The following TMEFF1 variants were observed in gnomAD, a reference collection of about 807,000 sequenced individuals.
TMEFF1 encodes transmembrane protein with EGF like and two follistatin like domains 1, also known as tomoregulin-1.
In TMEFF1, 20 loss-of-function variants were observed where a neutral mutation model predicts 47.5. The observed-to-expected ratio is 0.42, with a 90% CI of 0.30 to 0.61. The LOEUF is 0.61. Among genes scored for constraint, TMEFF1 ranks in the 20% least tolerant of loss-of-function variants. The pLI, the probability that TMEFF1 is intolerant of heterozygous loss-of-function variation, is 0.19. For synonymous variants in TMEFF1, 162 were observed against 166.3 expected (o/e 0.97, Z 0.20); for missense variants, 411 against 471.1 (o/e 0.87, Z 1.18).
At chr9:100,481,645 C>T (rs2118243483) in intron 1 of TMEFF1, among the ~76,000 whole-genome samples, 2 of 152,208 alleles carry the variant, frequency 1.3e-5, no homozygotes, top group Middle Eastern at 6.8e-3. Flanking sequence ...AAAACAAAGT[C>T]TGAAATTGGT....
chr9:100,478,434 C>G (rs1477276427), intron 1 of TMEFF1, among the ~76,000 whole-genome samples: 1 of 152,158 alleles, frequency 6.6e-6, no homozygotes, highest in Non-Finnish European at 1.5e-5. Context: ...GATTCTCAGC[C>G]TCCTCAGTAG....
chr9:100,547,732 C>A lies in TMEFF1; in HGVS notation c.561-12C>A, dbSNP rs1479470773. Reference sequence around the variant, plus strand: ...GTTGTAAAATATAGGTAATTTTTGTCTTTTCCAACAGGTGTGTATGTAATA... The same window carrying A: ...GTTGTAAAATATAGGTAATTTTTGTATTTTCCAACAGGTGTGTATGTAATA... On this transcript the variant is annotated splice_polypyrimidine_tract_variant and intron_variant, in intron 5 of 9. Transcript: ENST00000374879. The A allele has an allele frequency of 6.7e-7, 1 of 1,485,094 alleles. No individual in the cohort carries two copies. Among genetic ancestry groups the A allele is most frequent in the African/African-American group, 1.4e-5 (1 of 69,678 alleles). The allele number at this position is 1,485,094 out of a possible 1,614,324, so 92.0% of individuals were successfully genotyped here.
intron 5 of TMEFF1, among the ~76,000 whole-genome samples, chr9:100,525,988 T>A (rs955588604): frequency 1.3e-5 from 2 of 152,230 alleles, no homozygotes; most frequent in Non-Finnish European, 1.5e-5. Context: ...TTTTATTACT[T>A]CTTTTAGCAG....
At chr9:100,502,167 T>C (rs1367016613) in intron 2 of TMEFF1, among the ~76,000 whole-genome samples, 1 of 152,186 alleles carries the variant, frequency 6.6e-6, no homozygotes, top group Non-Finnish European at 1.5e-5. Flanking sequence ...ATCTTGGAGA[T>C]TGTTCCTTTC....
At chr9:100,489,981 C>T (rs572436604) in intron 1 of TMEFF1, among the ~76,000 whole-genome samples, 1 of 152,076 alleles carries the variant, frequency 6.6e-6, no homozygotes, top group Admixed American at 6.5e-5. Context: ...TTCTCCCTGT[C>T]ACCTTGCCTG....
intron 2 of TMEFF1, among the ~76,000 whole-genome samples, chr9:100,501,421 AT>A (rs905036432): frequency 3.1e-4 from 46 of 149,628 alleles, no homozygotes; most frequent in East Asian, 5.9e-4. Context: ...ATTTGTTACC[AT>A]TTTTTTTTGT....
intron 8 of TMEFF1, among the ~76,000 whole-genome samples, chr9:100,571,666 T>C (rs539893894): frequency 1.3e-5 from 2 of 152,052 alleles, no homozygotes; most frequent in Non-Finnish European, 2.9e-5. Context: ...GGTGATGGTT[T>C]GGGGATGATT....
intron 1 of TMEFF1, among the ~76,000 whole-genome samples, chr9:100,476,888 G>A (rs898683735): frequency 2.0e-5 from 3 of 151,684 alleles, no homozygotes; most frequent in Non-Finnish European, 4.4e-5. Context: ...AGTAGAGATG[G>A]GGTTTCATCG....
At chr9:100,553,883 A>G (rs939688148) in intron 7 of TMEFF1, among the ~76,000 whole-genome samples, 1 of 152,158 alleles carries the variant, frequency 6.6e-6, no homozygotes, top group East Asian at 1.9e-4. Context: ...AAATGCACAA[A>G]TCTTGACCAA....
chr9:100,553,618 G>A (rs944942), intron 7 of TMEFF1, among the ~76,000 whole-genome samples: 12,894 of 152,238 alleles, frequency 0.085, 745 homozygotes, highest in Non-Finnish European at 0.12. Context: ...ATTGAAATTG[G>A]GGTGTTAGAA....
At chr9:100,518,265 T>C (rs1838106673) in intron 5 of TMEFF1, among the ~76,000 whole-genome samples, 1 of 152,180 alleles carries the variant, frequency 6.6e-6, no homozygotes, top group South Asian at 2.1e-4. Flanking sequence ...CTGGGAGTTC[T>C]AGACATCTAC....
chr9:100,534,231 C>G (rs1431490993), intron 5 of TMEFF1, among the ~76,000 whole-genome samples: 1 of 152,138 alleles, frequency 6.6e-6, no homozygotes, highest in Admixed American at 6.5e-5. Context: ...TTTCCATGCT[C>G]AGATATTTAT....
At chr9:100,529,836 G>C (rs10819791) in intron 5 of TMEFF1, among the ~76,000 whole-genome samples, 33,396 of 151,740 alleles carry the variant, frequency 0.22, 4,002 homozygotes, top group South Asian at 0.33. Context: ...TGACCACATA[G>C]TTGGAAGTAA....
intron 5 of TMEFF1, among the ~76,000 whole-genome samples, chr9:100,536,199 G>C (rs1838502746): frequency 6.6e-6 from 1 of 152,094 alleles, no homozygotes; most frequent in Non-Finnish European, 1.5e-5. Context: ...TGTATATCAA[G>C]ACCCTATTGA....
chr9:100,518,563 A>G, intron 5 of TMEFF1: 1 of 937,362 alleles, frequency 1.1e-6, no homozygotes, highest in Non-Finnish European at 1.3e-6. Flanking sequence ...TTGATGCAAC[A>G]AGAGGAAAAT....
At chr9:100,513,263 T>C (rs764389509) in intron 3 of TMEFF1, 44 bp from the exon 4 acceptor site, 2 of 1,577,738 alleles carry the variant, frequency 1.3e-6, no homozygotes, top group South Asian at 2.4e-5. Context: ...AAGATGAAAT[T>C]TCCGGGAAAA....
chr9:100,508,497 G>T (rs573314267), intron 2 of TMEFF1, among the ~76,000 whole-genome samples: 403 of 151,358 alleles, frequency 2.7e-3, no homozygotes, highest in Non-Finnish European at 4.3e-3. Context: ...TGCAGTATTG[G>T]TTTTTTTTCC....
intron 1 of TMEFF1, among the ~76,000 whole-genome samples, chr9:100,489,850 A>G (rs763427932): frequency 6.6e-6 from 1 of 152,180 alleles, no homozygotes; most frequent in African/African-American, 2.4e-5. Context: ...TCCATGAGGA[A>G]GAGAGTGTCA....
intron 5 of TMEFF1, among the ~76,000 whole-genome samples, chr9:100,530,325 T>A (rs571896571): frequency 6.6e-6 from 1 of 151,730 alleles, no homozygotes; most frequent in Admixed American, 6.6e-5. Context: ...TCAACAAAAT[T>A]GATAGACTGC....
Sources: allele counts gnomAD v4.1 joint callset (sites outside exome capture counted in the v4.1 genomes callset), GRCh38; gene constraint gnomAD v4.1.1; transcripts MANE v1.5; gene names NCBI Gene and HGNC (gene_info 2026-07-23, HGNC 2026-07-21).